ANXA6: variants seen among roughly 807,000 people sequenced by gnomAD.
The protein encoded by ANXA6 is annexin A6.
Under a neutral mutation model 95.4 loss-of-function variants are expected in ANXA6, and 71 were observed. That is an observed-to-expected ratio of 0.74 (90% CI 0.61 to 0.91). The LOEUF (loss-of-function observed/expected upper bound fraction) is 0.91, where lower values mean the gene tolerates loss of function less well. ANXA6 is among the 40% of genes least tolerant of loss of function. The pLI is 0.00. For missense variants in ANXA6, 830 were observed against 876.4 expected, an observed-to-expected ratio of 0.95 and a Z score of 0.67; for synonymous variants, 289 against 315.9, an observed-to-expected ratio of 0.91 and a Z score of 0.90.
chr5:151,153,379 AGGT>A (rs1357590878), intron 1 of ANXA6, among the ~76,000 whole-genome samples: 2 of 152,206 alleles, frequency 1.3e-5, no homozygotes, highest in Non-Finnish European at 2.9e-5. Flanking sequence ...AAACTTTCCT[AGGT>A]GATTTTAATG....
intron 23 of ANXA6, among the ~76,000 whole-genome samples, chr5:151,106,169 A>G (rs1011798701): frequency 4.6e-5 from 7 of 152,132 alleles, no homozygotes; most frequent in Non-Finnish European, 1.0e-4. Flanking sequence ...CCCTGGCTGC[A>G]GATAATGCCT....
intron 13 of ANXA6, among the ~76,000 whole-genome samples, chr5:151,127,081 TC>T (rs904221426): frequency 6.6e-6 from 1 of 152,214 alleles, no homozygotes; most frequent in African/African-American, 2.4e-5. Flanking sequence ...ATTTTTCCAA[TC>T]CTTCAGCCTC....
chr5:151,127,887 G>A (rs1012414), intron 13 of ANXA6, among the ~76,000 whole-genome samples: 20,131 of 152,118 alleles, frequency 0.13, 1,393 homozygotes, highest in South Asian at 0.16. Context: ...AGCAGGGATT[G>A]GATGCTCATA....
At chr5:151,146,579 T>G (rs1030200) in intron 2 of ANXA6, among the ~76,000 whole-genome samples, 57,477 of 151,964 alleles carry the variant, frequency 0.38, 11,520 homozygotes, top group East Asian at 0.72. Flanking sequence ...AAGGGGAACA[T>G]GAGGCCCAAA....
chr5:151,139,787 G>A (rs1276084117), intron 3 of ANXA6, among the ~76,000 whole-genome samples: 7 of 152,144 alleles, frequency 4.6e-5, no homozygotes, highest in African/African-American at 1.7e-4. Context: ...ACCCAGTACA[G>A]GGTTCTTTCC....
chr5:151,141,873 T>C (rs2346026), intron 2 of ANXA6, among the ~76,000 whole-genome samples: 68,378 of 152,040 alleles, frequency 0.45, 16,774 homozygotes, highest in East Asian at 0.72. Context: ...GGGGCTTTAC[T>C]GCCAGCGCTC....
intron 23 of ANXA6, among the ~76,000 whole-genome samples, 158 bp from the exon 24 acceptor site, chr5:151,105,461 C>T (rs944017076): frequency 6.6e-6 from 1 of 152,154 alleles, no homozygotes; most frequent in Admixed American, 6.5e-5. Flanking sequence ...CTTTGCTCCC[C>T]TTCCCCATGC....
At position 151,114,613 on chromosome 5, in the gene ANXA6, T is replaced by TAA. The variant is rs61407672; in HGVS notation, c.1572+2512_1572+2513dup. On this transcript the variant is annotated intron_variant, in intron 20 of 25. Coordinates refer to ENST00000354546, the MANE Select transcript of ANXA6 (RefSeq NM_001155.5). ...TGGGCAACAGAGCGAGACTCCGTCT[T>TAA]AAAAAAAAAAAAAAAAAAAAAAAAA... Among the ~76,000 whole-genome samples the TAA allele has an allele frequency of 1.5e-3, 108 of 70,306 alleles. 2 individuals are homozygous for TAA. The highest frequency in any genetic ancestry group is 2.5e-3 in the African/African-American group (47 of 18,954). The allele number at this position is 70,306 out of a possible 152,430, so 46.1% of individuals were successfully genotyped here.
chr5:151,122,574 C>T (rs1478895541), intron 16 of ANXA6, among the ~76,000 whole-genome samples: 3 of 152,226 alleles, frequency 2.0e-5, no homozygotes, highest in Non-Finnish European at 2.9e-5. Flanking sequence ...TAATCCCTGA[C>T]ACTCAGTTGG....
intron 22 of ANXA6, among the ~76,000 whole-genome samples, 187 bp from the exon 23 acceptor site, chr5:151,108,737 A>T (rs913937927): frequency 6.6e-6 from 1 of 152,228 alleles, no homozygotes; most frequent in Non-Finnish European, 1.5e-5. Flanking sequence ...TCTGACATCA[A>T]GGCTGCCGTG....
At chr5:151,138,186 T>C (rs1427055386) in intron 5 of ANXA6, among the ~76,000 whole-genome samples, 2 of 152,190 alleles carry the variant, frequency 1.3e-5, no homozygotes, top group Non-Finnish European at 2.9e-5. Flanking sequence ...GGCAATTCTC[T>C]ACCTCTACCT....
At position 151,134,466 on chromosome 5, in the gene ANXA6, ATCC is replaced by A. The variant is rs1765602343; in HGVS notation, c.504_506del (p.Glu168del). 3 of 1,613,960 alleles carry A rather than the reference ATCC, an allele frequency of 1.9e-6. No individual in the cohort carries two copies. In the South Asian group the frequency reaches 3.3e-5, roughly 18 times the overall value. ...GTACCAGGTCCTCGCTCACTACGTC[ATCC>A]TCCTCCCTGGTTCCCTGGGCAGAAA... On this transcript the variant is annotated inframe_deletion, in exon 8 of 26. Coordinates refer to ENST00000354546, the MANE Select transcript of ANXA6 (RefSeq NM_001155.5).
chr5:151,153,924 A>G (rs1024676378), intron 1 of ANXA6, among the ~76,000 whole-genome samples: 10 of 152,114 alleles, frequency 6.6e-5, no homozygotes, highest in African/African-American at 2.4e-4. Flanking sequence ...AAATTACTGC[A>G]TATGCCTCTT....
rs772014903 is a variant in ANXA6, at chr5:151,123,047, C to CTG, written c.1139-38_1139-37dup. 51 of 1,568,332 alleles carry CTG rather than the reference C, an allele frequency of 3.3e-5. No homozygotes were observed. In the South Asian group the frequency reaches 4.5e-4, roughly 14 times the overall value. On this transcript the variant is annotated intron_variant, in intron 15 of 25. Coordinates refer to ENST00000354546, the MANE Select transcript of ANXA6 (RefSeq NM_001155.5). ...AAAGCCACATGCCTCAGAAGAAGGC[C>CTG]TGTGGCTCTCGGCTTTCCCCATGCA...
At chr5:151,128,607 A>G (rs1765398156) in intron 12 of ANXA6, among the ~76,000 whole-genome samples, 1 of 152,230 alleles carries the variant, frequency 6.6e-6, no homozygotes, top group Admixed American at 6.5e-5. Context: ...CTTCCACATG[A>G]AATATGCATG....
At chr5:151,125,415 T>C (rs1228466770) in intron 14 of ANXA6, among the ~76,000 whole-genome samples, 1 of 151,258 alleles carries the variant, frequency 6.6e-6, no homozygotes, top group African/African-American at 2.4e-5. Flanking sequence ...GTTGATACCA[T>C]GTATCATAAA....
chr5:151,120,117 C>A (rs769959944), intron 17 of ANXA6, among the ~76,000 whole-genome samples: 2 of 152,104 alleles, frequency 1.3e-5, no homozygotes, highest in Middle Eastern at 3.4e-3. Context: ...TGGACTCAAG[C>A]CCAAAGTTTT....
In ANXA6 at chr5:151,138,709, C is replaced by T; in HGVS notation, c.287G>A (p.Cys96Tyr). Reference sequence around the variant, plus strand: ...GGCATCTTTAATTTCTTTGGCATCACAATAGGCAGGTGGCCTCATCAGGCC... The same window carrying T: ...GGCATCTTTAATTTCTTTGGCATCATAATAGGCAGGTGGCCTCATCAGGCC... ...IVGLMRPPAY[C>Y]DAKEIKDAIS... is the part of the protein sequence containing the mutation. The change falls in exon 5 of 26, where the codon TGT becomes TAT. Residue 96 changes from cysteine (C) to tyrosine (Y), a missense_variant. Coordinates refer to ENST00000354546, the MANE Select transcript of ANXA6 (RefSeq NM_001155.5). 4 of 1,613,880 alleles carry T rather than the reference C, an allele frequency of 2.5e-6. No individual in the cohort carries two copies. Among genetic ancestry groups the T allele is most frequent in the Non-Finnish European group, 3.4e-6 (4 of 1,179,814 alleles).
chr5:151,144,292 T>C (rs920135821), intron 2 of ANXA6, among the ~76,000 whole-genome samples: 6 of 152,198 alleles, frequency 3.9e-5, no homozygotes, highest in African/African-American at 1.4e-4. Context: ...GCCTTGTATG[T>C]AGATTAAAAA....
Sources: gnomAD v4.1 joint callset for allele counts (sites outside exome capture counted in the v4.1 genomes callset) on GRCh38, gnomAD v4.1.1 for gene constraint, MANE v1.5 for transcripts, NCBI Gene and HGNC (gene_info 2026-07-23, HGNC 2026-07-21) for gene names.